Variants in KCNQ1 observed in about 807,000 individuals in gnomAD.
KCNQ1 encodes potassium voltage-gated channel subfamily Q member 1.
KCNQ1 carries 49 observed loss-of-function variants against 72.4 expected under a neutral mutation model. The ratio of observed to expected loss-of-function variants is 0.68; its 90% CI spans 0.54 to 0.86. KCNQ1 has a LOEUF of 0.86. KCNQ1 is among the 40% of genes least tolerant of loss of function. The pLI, the probability that KCNQ1 is intolerant of heterozygous loss-of-function variation, is 0.00. For missense variants in KCNQ1, 790 were observed against 945.1 expected, an observed-to-expected ratio of 0.84 and a Z score of 2.15; for synonymous variants, 450 against 412.6, an observed-to-expected ratio of 1.09 and a Z score of -1.10.
rs1284126864 is a variant in KCNQ1, at chr11:2,507,964, T to A, written c.387-19964T>A. Among the ~76,000 whole-genome samples the A allele has an allele frequency of 4.0e-5, 6 of 151,842 alleles. No individual in the cohort carries two copies. The highest frequency in any genetic ancestry group is 7.4e-5 in the Non-Finnish European group (5 of 67,920). On this transcript the variant is annotated intron_variant, in intron 1 of 15. Transcript: ENST00000155840. The surrounding 1 kb of genome is among the most constrained non-coding windows in gnomAD (Gnocchi z 5.4). ...CTGGCCTTGACTTGGTGATGTGGGG[T>A]TATGAGTTTTATTCCACACACGTAT...
rs1157218537 is a variant in KCNQ1, at chr11:2,479,192, C to T, written c.386+33708C>T. Among the ~76,000 whole-genome samples, 1 of 152,202 alleles carries T rather than the reference C, an allele frequency of 6.6e-6. No individual in the cohort carries two copies. The highest frequency in any genetic ancestry group is 1.5e-5 in the Non-Finnish European group (1 of 68,038). ...AGCTTTTCCAGGCACATGGTGCAAG[C>T]TGTTGATGGATCTATCATTCTGGGA... On this transcript the variant is annotated intron_variant, in intron 1 of 15. Transcript: ENST00000155840. The surrounding 1 kb of genome is among the most constrained non-coding windows in gnomAD (Gnocchi z 4.6).
In KCNQ1 at chr11:2,679,231, A is replaced by G. The variant is rs1850345461; in HGVS notation, c.1514+17150A>G. On this transcript the variant is annotated intron_variant, in intron 11 of 15. Transcript: ENST00000155840. This position sits in a 1 kb window ranked among gnomAD's most constrained non-coding sequence, Gnocchi z 4.8. ...CATCCATGTGAAGCTGGTCCAGAGG[A>G]CTACAGCTGCCTGTCCCACCCTTGG... is the stretch of plus-strand genomic sequence containing the variant. 3 of 398,506 alleles carry G rather than the reference A, an allele frequency of 7.5e-6. No homozygotes were observed. Among genetic ancestry groups the G allele is most frequent in the Non-Finnish European group, 1.3e-5 (3 of 226,078 alleles). 24.7% of individuals were successfully genotyped at this position (398,506 alleles called of 1,614,324 possible).
At chr11:2,625,286 T>C in intron 10 of KCNQ1, 1 of 398,724 alleles carries the variant, frequency 2.5e-6, no homozygotes, top group Non-Finnish European at 4.4e-6. Flanking sequence ...GATCTGGCTC[T>C]GTCACTTAGG....
chr11:2,618,235 CG>C (rs1342336311), intron 10 of KCNQ1: 4 of 398,230 alleles, frequency 1.0e-5, no homozygotes, highest in African/African-American at 6.2e-5. Context: ...TTTGGCTTCC[CG>C]GGGCCACACT....
intron 10 of KCNQ1, chr11:2,636,144 A>G (rs1260723591): frequency 6.6e-6 from 1 of 152,174 alleles, no homozygotes; most frequent in Non-Finnish European, 1.5e-5. Flanking sequence ...GGACAATTTG[A>G]CTTCCTCTTT....
intron 15 of KCNQ1, among the ~76,000 whole-genome samples, chr11:2,791,303 T>G (rs1361586986): frequency 6.6e-6 from 1 of 152,188 alleles, no homozygotes; most frequent in South Asian, 2.1e-4. Context: ...GGAGTCCGGC[T>G]GGGCTGGCCG....
rs1851177033 is a variant in KCNQ1 at position 2,720,086 on chromosome 11, T to C, written c.1515-48758T>C. Among the ~76,000 whole-genome samples the C allele has an allele frequency of 6.6e-6, 1 of 152,178 alleles. No homozygotes were observed. Among genetic ancestry groups the C allele is most frequent in the African/African-American group, 2.4e-5 (1 of 41,444 alleles). On this transcript the variant is annotated intron_variant, in intron 11 of 15. Transcript: ENST00000155840. The surrounding 1 kb of genome is among the most constrained non-coding windows in gnomAD (Gnocchi z 5.1). ...TCCGTGTCCCTCCATGCCAGCTCAC[T>C]GGAGGGGCTCCTGCTGAAAGAGGTG...
intron 11 of KCNQ1, among the ~76,000 whole-genome samples, chr11:2,765,935 T>C (rs1054684950): frequency 5.3e-5 from 8 of 152,228 alleles, no homozygotes; most frequent in Admixed American, 1.3e-4. Flanking sequence ...TACCATCTTA[T>C]GCTTCTTTTT....
intron 2 of KCNQ1, among the ~76,000 whole-genome samples, chr11:2,531,147 G>GGCGAAGC (rs1228976005): frequency 3.9e-5 from 6 of 152,152 alleles, no homozygotes; most frequent in Admixed American, 6.5e-5. Context: ...CTGCACCCAG[G>GGCGAAGC]CTGGACCTGC....
At chr11:2,705,071 C>T (rs1850883856) in intron 11 of KCNQ1, among the ~76,000 whole-genome samples, 1 of 152,048 alleles carries the variant, frequency 6.6e-6, no homozygotes, top group South Asian at 2.1e-4. Context: ...AGATGCAGGT[C>T]CTGCTCCCTC....
intron 11 of KCNQ1, among the ~76,000 whole-genome samples, chr11:2,733,854 T>TCG (rs1554914274): frequency 0.057 from 2,348 of 41,094 alleles, 174 homozygotes; most frequent in African/African-American, 0.2. Context: ...TCTCTCTCTC[T>TCG]CTCCCCCCCC....
At chr11:2,776,120 G>C in intron 13 of KCNQ1, 66 bp downstream of exon 13, 1 of 1,353,852 alleles carries the variant, frequency 7.4e-7, no homozygotes, top group Non-Finnish European at 1.0e-6. Flanking sequence ...CCAGCTGCAT[G>C]ATCAGCGGTG....
At chr11:2,730,765 C>T (rs535294003) in intron 11 of KCNQ1, among the ~76,000 whole-genome samples, 121 of 152,294 alleles carry the variant, frequency 7.9e-4, no homozygotes, top group Middle Eastern at 3.4e-3. Context: ...CCCTGGGAGA[C>T]GCAGGGTTCT....
intron 15 of KCNQ1, among the ~76,000 whole-genome samples, chr11:2,802,728 G>T (rs943669641): frequency 2.6e-5 from 4 of 152,184 alleles, no homozygotes; most frequent in South Asian, 2.1e-4. Context: ...GGAGGCGTTT[G>T]CAGGGCGGGG....
intron 6 of KCNQ1, among the ~76,000 whole-genome samples, chr11:2,582,375 C>T (rs2133749032): frequency 6.6e-6 from 1 of 152,338 alleles, no homozygotes; most frequent in South Asian, 2.1e-4. Context: ...TTTGTTCTTG[C>T]CTTCCATCAG....
intron 11 of KCNQ1, among the ~76,000 whole-genome samples, chr11:2,726,181 A>T (rs993896057): frequency 6.6e-6 from 1 of 152,214 alleles, no homozygotes; most frequent in Non-Finnish European, 1.5e-5. Context: ...GCCAGGGCAG[A>T]GGAGCAGGCC....
chr11:2,571,264 T>C, intron 3 of KCNQ1, 61 bp from the exon 4 acceptor site: 1 of 1,389,036 alleles, frequency 7.2e-7, no homozygotes, highest in Non-Finnish European at 1.0e-6. Context: ...GGGTGTATGC[T>C]CTTCCCTGGG....
intron 1 of KCNQ1, among the ~76,000 whole-genome samples, chr11:2,460,541 G>A (rs1564787155): frequency 7.3e-6 from 1 of 136,262 alleles, no homozygotes; most frequent in Non-Finnish European, 1.6e-5. Flanking sequence ...AAGGCCCACA[G>A]TAGAAAGGCT....
Position 2,627,906 on chromosome 11 carries a change from A to G in KCNQ1, c.1394-34055A>G. On this transcript the variant is annotated intron_variant, in intron 10 of 15. Coordinates refer to ENST00000155840, the MANE Select transcript of KCNQ1 (RefSeq NM_000218.3). This position sits in a 1 kb window ranked among gnomAD's most constrained non-coding sequence, Gnocchi z 4.9. Reference sequence around the variant, plus strand: ...GCTGGGACCACAGTCATGCACCCCCATGCCCAGCTAATTTTTAAAATTTTA... The same window carrying G: ...GCTGGGACCACAGTCATGCACCCCCGTGCCCAGCTAATTTTTAAAATTTTA... 1 of 398,566 alleles carries G rather than the reference A, an allele frequency of 2.5e-6. No individual in the cohort carries two copies. The allele number at this position is 398,566 out of a possible 1,614,324, so 24.7% of individuals were successfully genotyped here.
Sources: gnomAD v4.1 joint callset for allele counts (sites outside exome capture counted in the v4.1 genomes callset) on GRCh38, gnomAD v4.1.1 for gene constraint, Gnocchi (gnomAD v3.1) non-coding constraint, MANE v1.5 for transcripts, NCBI Gene and HGNC (gene_info 2026-07-23, HGNC 2026-07-21) for gene names.